The following UBR3 variants were observed in gnomAD, a reference collection of about 807,000 sequenced individuals.
The protein encoded by UBR3 is ubiquitin protein ligase E3 component n-recognin 3.
In UBR3, 85 loss-of-function variants were observed where a neutral mutation model predicts 243.2. The observed-to-expected ratio is 0.35, with a 90% CI of 0.29 to 0.42. The LOEUF is 0.42. UBR3 is among the 10% of genes least tolerant of loss of function. The pLI is 1.00. For synonymous variants in UBR3, 748 were observed against 799.8 expected, an observed-to-expected ratio of 0.94 and a Z score of 1.09; for missense variants, 1,686 against 2,300.8, an observed-to-expected ratio of 0.73 and a Z score of 5.47.
At position 169,882,104 on chromosome 2, in the gene UBR3, TTTATA is replaced by T. The variant is rs1217243488; in HGVS notation, c.1038+3537_1038+3541del. Among the ~76,000 whole-genome samples the T allele has an allele frequency of 2.9e-4, 38 of 128,818 alleles. No individual in the cohort carries two copies. In the South Asian group the frequency reaches 8.6e-3, roughly 29 times the overall value. 84.5% of individuals were successfully genotyped at this position (128,818 alleles called of 152,430 possible). A position where few individuals can be genotyped will look rare whatever the true frequency, so the allele number is the denominator to read the frequency against. On this transcript the variant is annotated intron_variant, in intron 5 of 38. Transcript: ENST00000272793. ...ATGTATGTATATATACACATATATATTTATATTATATATGTATATTATATACATAT... is the reference window on the plus strand; with the variant it reads ...ATGTATGTATATATACACATATATATTTATATATGTATATTATATACATAT...
In UBR3 at chr2:169,993,511, C is replaced by T. The variant is rs186943105; in HGVS notation, c.3785-812C>T. 3.5e-3 allele frequency among the ~76,000 whole-genome samples: 530 copies of T among 152,246 alleles called. 3 individuals carry two copies. Among genetic ancestry groups the T allele is most frequent in the African/African-American group, 0.012 (506 of 41,540 alleles). On this transcript the variant is annotated intron_variant, in intron 25 of 38. Coordinates refer to ENST00000272793, the MANE Select transcript of UBR3 (RefSeq NM_172070.4). ...GTTTCAGAGTCCAAGTTGGTTGTTC[C>T]ATAGAATATCTCAGAGTCTGGATTT... is the stretch of plus-strand genomic sequence containing the variant.
In UBR3 at chr2:169,905,821, A is replaced by C. The variant is rs1397645030; in HGVS notation, c.1646-210A>C. Among the ~76,000 whole-genome samples, 4 of 152,384 alleles carry C rather than the reference A, an allele frequency of 2.6e-5. No homozygotes were observed. The East Asian group carries it at 7.7e-4, about 29-fold the overall frequency. Reference sequence around the variant, plus strand: ...TTCAGTTTATTACATGAGATAATTCATAAAATGTTTCTAAGAAAACCTAGT... The same window carrying C: ...TTCAGTTTATTACATGAGATAATTCCTAAAATGTTTCTAAGAAAACCTAGT... On this transcript the variant is annotated intron_variant, in intron 9 of 38. Coordinates refer to ENST00000272793, the MANE Select transcript of UBR3 (RefSeq NM_172070.4).
intron 19 of UBR3, among the ~76,000 whole-genome samples, chr2:169,935,352 A>G (rs2105351999): frequency 6.6e-6 from 1 of 152,230 alleles, no homozygotes; most frequent in African/African-American, 2.4e-5. Context: ...AGTGTTTTGT[A>G]GAGGTGGGTT....
chr2:170,061,566 C>A, intron 35 of UBR3, 123 bp downstream of exon 35: 2 of 1,186,466 alleles, frequency 1.7e-6, no homozygotes, highest in Admixed American at 2.2e-5. Flanking sequence ...CTGCCAGGTT[C>A]AAGCAATCCT....
intron 30 of UBR3, among the ~76,000 whole-genome samples, chr2:170,023,040 A>G (rs1032392777): frequency 6.6e-6 from 1 of 152,200 alleles, no homozygotes; most frequent in Non-Finnish European, 1.5e-5. Flanking sequence ...TAGGATAAGT[A>G]GGTCAGAACC....
chr2:169,881,804 TTATAA>T (rs1399140996), intron 5 of UBR3, among the ~76,000 whole-genome samples: 5 of 138,324 alleles, frequency 3.6e-5, no homozygotes, highest in Non-Finnish European at 7.7e-5. Context: ...TATATTTATG[TTATAA>T]TATACATATA....
In UBR3 at chr2:169,994,442, C is replaced by T. The variant is rs768348450; in HGVS notation, c.3904C>T (p.Arg1302Cys). The change falls in exon 26 of 39, where the codon CGT becomes TGT. Residue 1302 changes from arginine to cysteine, a missense_variant. Arg to Cys is a radical substitution (Grantham distance 180). Coordinates refer to ENST00000272793, the MANE Select transcript of UBR3 (RefSeq NM_172070.4). ...TGATGTGAGGCTTTCATTATTACAGCGTTATTTTAAGGATGTAAGTACTCT... is the reference window on the plus strand; with the variant it reads ...TGATGTGAGGCTTTCATTATTACAGTGTTATTTTAAGGATGTAAGTACTCT... ...VHDVRLSLLQRYFKDSSCLLA... is the reference protein window; with the variant it reads ...VHDVRLSLLQCYFKDSSCLLA... 2.5e-6 allele frequency: 4 copies of T among 1,613,764 alleles called. No homozygotes were observed. Among genetic ancestry groups the T allele is most frequent in the African/African-American group, 1.3e-5 (1 of 74,892 alleles).
chr2:169,834,882 G>A (rs1054472203), intron 1 of UBR3, among the ~76,000 whole-genome samples: 26 of 152,170 alleles, frequency 1.7e-4, no homozygotes, highest in Non-Finnish European at 2.9e-5. Flanking sequence ...GATAAACCTT[G>A]AAGACCTTAT....
In UBR3 at chr2:169,918,126, T is replaced by C. The variant is rs531451918; in HGVS notation, c.1866+3980T>C. On this transcript the variant is annotated intron_variant, in intron 11 of 38. Coordinates refer to ENST00000272793, the MANE Select transcript of UBR3 (RefSeq NM_172070.4). The stretch of plus-strand genomic sequence containing the variant: ...GTTATGTAGCAAGTTATGGTACTTC[T>C]GGGTCCACAGTCCTCATTTTGGAAC... 5.3e-5 allele frequency among the ~76,000 whole-genome samples: 8 copies of C among 152,312 alleles called. No individual in the cohort carries two copies. The South Asian group carries it at 1.7e-3, about 32-fold the overall frequency.
At chr2:169,943,661 T>C (rs2086677060) in intron 20 of UBR3, among the ~76,000 whole-genome samples, 1 of 152,058 alleles carries the variant, frequency 6.6e-6, no homozygotes, top group Admixed American at 6.6e-5. Context: ...ATAATATAAC[T>C]ATATAGACAT....
In UBR3 at chr2:169,891,230, AG is replaced by A; in HGVS notation, c.1105+1del. 6.5e-7 allele frequency: 1 copy of A among 1,547,740 alleles called. No individual in the cohort carries two copies. The highest frequency in any genetic ancestry group is 8.7e-7 in the Non-Finnish European group (1 of 1,144,162). Reference sequence around the variant, plus strand: ...GGGTAAAACTAAGCAGTGGCACCAAAGGTATTTGTATTTATTATTATTTTTT... The same window carrying A: ...GGGTAAAACTAAGCAGTGGCACCAAAGTATTTGTATTTATTATTATTTTTT... ...KRVKLSSGTK[D>X]QSIMDVLKHK... On this transcript the variant is annotated frameshift_variant and splice_region_variant, in exon 6 of 39. Transcript: ENST00000272793. LOFTEE classifies it high-confidence loss of function.
intron 24 of UBR3, among the ~76,000 whole-genome samples, chr2:169,965,338 C>T (rs1481254009): frequency 6.6e-6 from 1 of 152,078 alleles, no homozygotes; most frequent in Non-Finnish European, 1.5e-5. Context: ...TGTCTTATTT[C>T]ATATCTGTGT....
In UBR3 at chr2:170,040,320, G is replaced by A. The variant is rs145341084; in HGVS notation, c.4557-562G>A. Among the ~76,000 whole-genome samples the A allele has an allele frequency of 3.0e-3, 449 of 150,424 alleles. 3 individuals carry two copies. The highest frequency in any genetic ancestry group is 0.01 in the African/African-American group (423 of 40,914). On this transcript the variant is annotated intron_variant, in intron 31 of 38. Coordinates refer to ENST00000272793, the MANE Select transcript of UBR3 (RefSeq NM_172070.4). ...CGGGTTTTCACCATGTTGTCAATCT[G>A]GTCTCAAACTTCTGAGCTCAAGTGA...
At chr2:169,876,081 CTTCT>C in intron 3 of UBR3, 132 bp downstream of exon 3, 2 of 600,684 alleles carry the variant, frequency 3.3e-6, no homozygotes, top group South Asian at 4.3e-5. Flanking sequence ...ATTAAGAGAA[CTTCT>C]TTTTTTTTTT....
At chr2:169,851,411 G>A (rs73024443) in intron 1 of UBR3, among the ~76,000 whole-genome samples, 6,625 of 152,270 alleles carry the variant, frequency 0.044, 166 homozygotes, top group Middle Eastern at 0.068. Flanking sequence ...TTACAGGCGT[G>A]AGCCATCGCA....
At chr2:170,010,367 C>A (rs796245014) in intron 29 of UBR3, among the ~76,000 whole-genome samples, 1 of 152,140 alleles carries the variant, frequency 6.6e-6, no homozygotes, top group African/African-American at 2.4e-5. Context: ...AATCACAGAC[C>A]TACACACATT....
intron 13 of UBR3, 51 bp from the exon 14 acceptor site, chr2:169,925,568 G>T: frequency 6.9e-7 from 1 of 1,458,744 alleles, no homozygotes; most frequent in South Asian, 1.3e-5. Flanking sequence ...ATAATATTTT[G>T]TAAAGATTGC....
intron 30 of UBR3, among the ~76,000 whole-genome samples, chr2:170,017,318 T>C (rs2090265035): frequency 6.6e-6 from 1 of 152,128 alleles, no homozygotes; most frequent in Admixed American, 6.6e-5. Flanking sequence ...ATGTTTTTTC[T>C]TCCATAATGT....
At position 170,079,894 on chromosome 2, in the gene UBR3, C is replaced by T. The variant is rs1238362638; in HGVS notation, c.5280C>T (p.Tyr1760=). 1 of 1,613,914 alleles carries T rather than the reference C, an allele frequency of 6.2e-7. No homozygotes were observed. Among genetic ancestry groups the T allele is most frequent in the African/African-American group, 1.3e-5 (1 of 74,936 alleles). Residue 1760 remains tyrosine (Y), a synonymous_variant, in exon 37 of 39, where the codon TAC becomes TAT. Transcript: ENST00000272793. ...AGAATTATAACACCATTTTTCAGTA[C>T]TACCACAGAAAAACCTGTAGTGTCT... ...LPENYNTIFQ[Y]YHRKTCSVCT... is the part of the protein sequence containing the mutation.
Sources: allele counts gnomAD v4.1 joint callset (sites outside exome capture counted in the v4.1 genomes callset), GRCh38; gene constraint gnomAD v4.1.1; transcripts MANE v1.5; gene names NCBI Gene and HGNC (gene_info 2026-07-23, HGNC 2026-07-21).